The following HELB variants were observed in gnomAD, a reference collection of about 807,000 sequenced individuals.
The protein encoded by HELB is DNA helicase B.
Under a neutral mutation model 101.7 loss-of-function variants are expected in HELB, and 96 were observed. The ratio of observed to expected loss-of-function variants is 0.94; its 90% CI spans 0.80 to 1.12. The LOEUF is 1.12. HELB is among the 50% of genes most tolerant of loss of function. The pLI is 0.00. For missense variants in HELB, 1,210 were observed against 1,291.9 expected (o/e 0.94, Z 0.97); for synonymous variants, 437 against 459.7 (o/e 0.95, Z 0.63).
chr12:66,322,015 T>C lies in HELB; in HGVS notation c.2223T>C (p.Phe741=), dbSNP rs1480784670. The part of the protein sequence containing the change: ...NNLQNAKTSQ[F]IAFRRQDCDL... Reference sequence around the variant, plus strand: ...TACAAAATGCAAAAACATCACAATTTATTGCATTTAGAAGGTAAAGCATTT... The same window carrying C: ...TACAAAATGCAAAAACATCACAATTCATTGCATTTAGAAGGTAAAGCATTT... The change falls in exon 8 of 13, where the codon TTT becomes TTC. Residue 741 remains phenylalanine (F), a synonymous_variant. Coordinates refer to ENST00000247815, the MANE Select transcript of HELB (RefSeq NM_001370285.1). The C allele has an allele frequency of 8.8e-7, 1 of 1,139,986 alleles. No individual in the cohort carries two copies. Among genetic ancestry groups the C allele is most frequent in the East Asian group, 2.6e-5 (1 of 38,292 alleles). 70.6% of individuals were successfully genotyped at this position (1,139,986 alleles called of 1,614,324 possible).
At chr12:66,315,678 G>A (rs1278764127) in intron 6 of HELB, among the ~76,000 whole-genome samples, 1 of 152,094 alleles carries the variant, frequency 6.6e-6, no homozygotes, top group African/African-American at 2.4e-5. Flanking sequence ...AAGCCCAAGG[G>A]GAATGGAGAT....
Position 66,310,155 on chromosome 12 carries a change from A to C in HELB, c.1227A>C (p.Glu409Asp), listed in dbSNP as rs1181882011. Residue 409 changes from glutamate (E) to aspartate (D), a missense_variant, in exon 4 of 13, where the codon GAA becomes GAC. Glu to Asp is a conservative substitution (Grantham distance 45). Transcript: ENST00000247815. Reference sequence around the variant, plus strand: ...CATTGAATGAGAGCAAACCTGATGAAGTAAGATTAGAAAATCCTGTGGATG... The same window carrying C: ...CATTGAATGAGAGCAAACCTGATGACGTAAGATTAGAAAATCCTGTGGATG... ...DDALNESKPD[E>D]VRLENPVDVV... The C allele has an allele frequency of 1.9e-6, 3 of 1,614,230 alleles. No individual in the cohort carries two copies. Among genetic ancestry groups the C allele is most frequent in the Non-Finnish European group, 2.5e-6 (3 of 1,180,024 alleles).
Position 66,335,457 on chromosome 12 carries a change from A to G in HELB, c.3163-2544A>G, listed in dbSNP as rs139650792. 2.4e-3 allele frequency among the ~76,000 whole-genome samples: 372 copies of G among 152,238 alleles called. 5 individuals carry two copies. Among genetic ancestry groups the G allele is most frequent in the African/African-American group, 8.7e-3 (362 of 41,558 alleles). On this transcript the variant is annotated intron_variant, in intron 12 of 12. Coordinates refer to ENST00000247815, the MANE Select transcript of HELB (RefSeq NM_001370285.1). Reference sequence around the variant, plus strand: ...AAAGCCTGGACTGAGGGGGCTGGTGAGAGAATGGGAGCTGAAAGGGCGGAG... The same window carrying G: ...AAAGCCTGGACTGAGGGGGCTGGTGGGAGAATGGGAGCTGAAAGGGCGGAG...
At position 66,314,072 on chromosome 12, in the gene HELB, G is replaced by C; in HGVS notation, c.1767G>C (p.Val589=). Residue 589 remains valine (V), a synonymous_variant, in exon 5 of 13, where the codon GTG becomes GTC. Coordinates refer to ENST00000247815, the MANE Select transcript of HELB (RefSeq NM_001370285.1). ...TTTCTTCGGTTAGAGTTCTGGTTGT[G>C]GATGAAGGGAGTTTGGTATCTGTAG... is the stretch of plus-strand genomic sequence containing the variant. ...WKFSSVRVLV[V]DEGSLVSVGI... is the part of the protein sequence containing the mutation. 6.2e-7 allele frequency: 1 copy of C among 1,613,806 alleles called. No homozygotes were observed. The highest frequency in any genetic ancestry group is 8.5e-7 in the Non-Finnish European group (1 of 1,179,766).
At chr12:66,328,141 G>A (rs1488689565) in intron 11 of HELB, among the ~76,000 whole-genome samples, 2 of 152,168 alleles carry the variant, frequency 1.3e-5, no homozygotes, top group Non-Finnish European at 2.9e-5. Context: ...GGAGGATGGT[G>A]GGGCCAGGTC....
chr12:66,310,717 G>A (rs2053534518), intron 4 of HELB, 109 bp downstream of exon 4: 3 of 971,004 alleles, frequency 3.1e-6, no homozygotes, highest in Non-Finnish European at 4.6e-6. Context: ...CAGATCACAA[G>A]GTCAGGAGAT....
intron 11 of HELB, among the ~76,000 whole-genome samples, 179 bp from the exon 12 acceptor site, chr12:66,330,975 T>G (rs1208966503): frequency 6.6e-6 from 1 of 152,158 alleles, no homozygotes; most frequent in Non-Finnish European, 1.5e-5. Flanking sequence ...TGTTTAGCAG[T>G]GTGTTTAGAG....
Position 66,310,456 on chromosome 12 carries a change from G to C in HELB, c.1528G>C (p.Asp510His). 1 of 1,614,174 alleles carries C rather than the reference G, an allele frequency of 6.2e-7. No individual in the cohort carries two copies. Among genetic ancestry groups the C allele is most frequent in the Non-Finnish European group, 8.5e-7 (1 of 1,180,028 alleles). Residue 510 changes from aspartate (D) to histidine (H), a missense_variant, in exon 4 of 13, where the codon GAC becomes CAC. Asp to His is a moderately conservative substitution (Grantham distance 81, BLOSUM62 -1). Coordinates refer to ENST00000247815, the MANE Select transcript of HELB (RefSeq NM_001370285.1). Reference sequence around the variant, plus strand: ...AAAAGCCTGTGAAGATTTTGAACAAGACCAGAATGCTTCAGAAGAATGGAT... The same window carrying C: ...AAAAGCCTGTGAAGATTTTGAACAACACCAGAATGCTTCAGAAGAATGGAT... ...VKKACEDFEQ[D>H]QNASEEWITF...
Position 66,325,024 on chromosome 12 carries a change from C to T in HELB, c.2568C>T (p.Thr856=). 2 of 1,612,676 alleles carry T rather than the reference C, an allele frequency of 1.2e-6. No individual in the cohort carries two copies. The highest frequency in any genetic ancestry group is 1.1e-5 in the South Asian group (1 of 91,020). ...CTTTTGGAAAGAGAAGATCTTTGAC[C>T]ATTAATAATATGGCTGGCCTGGAAG... is the stretch of plus-strand genomic sequence containing the variant. ...DVTFGKRRSL[T]INNMAGLEVT... The change falls in exon 11 of 13, where the codon ACC becomes ACT. Residue 856 remains threonine, a synonymous_variant. Transcript: ENST00000247815.
intron 9 of HELB, among the ~76,000 whole-genome samples, chr12:66,323,670 A>G (rs1445777527): frequency 6.6e-6 from 1 of 152,246 alleles, no homozygotes; most frequent in Admixed American, 6.5e-5. Context: ...AAGGAAAAAA[A>G]TCAAAATTTG....
At chr12:66,337,104 C>G (rs2053874664) in intron 12 of HELB, among the ~76,000 whole-genome samples, 1 of 152,096 alleles carries the variant, frequency 6.6e-6, no homozygotes, top group Non-Finnish European at 1.5e-5. Flanking sequence ...TCCAAGACTT[C>G]TGGCTAAGGC....
chr12:66,304,670 A>C, intron 1 of HELB, 61 bp from the exon 2 acceptor site: 1 of 1,466,638 alleles, frequency 6.8e-7, no homozygotes, highest in Admixed American at 2.2e-5. Context: ...AACTTTGAGG[A>C]AACGGTTTCT....
At position 66,306,311 on chromosome 12, in the gene HELB, A is replaced by G. The variant is rs773347905; in HGVS notation, c.608-34A>G. On this transcript the variant is annotated intron_variant, in intron 2 of 12. Transcript: ENST00000247815. ...AATCAGTCATTCTTTGGGTTCATTT[A>G]TGTTTTACTTTGTTCCTTTCTGATA... The G allele has an allele frequency of 2.7e-6, 4 of 1,476,102 alleles. No individual in the cohort carries two copies. In the Admixed American group the frequency reaches 7.1e-5, roughly 26 times the overall value. The allele number at this position is 1,476,102 out of a possible 1,614,324, so 91.4% of individuals were successfully genotyped here. A position where few individuals can be genotyped will look rare whatever the true frequency, so the allele number is the denominator to read the frequency against.
At chr12:66,340,609 T>TG (rs71096095), downstream of HELB, 4,880 of 129,246 alleles carry the variant, frequency 0.038, 226 homozygotes, top group African/African-American at 0.12. Flanking sequence ...TATATATATG[T>TG]GGGGGGGGGG....
chr12:66,304,105 G>C (rs138754187), intron 1 of HELB, among the ~76,000 whole-genome samples: 1 of 152,214 alleles, frequency 6.6e-6, no homozygotes, highest in Admixed American at 6.5e-5. Flanking sequence ...TAGCATGTTT[G>C]GTGCTGGGAA....
chr12:66,339,468 A>T (rs1441215354), downstream of HELB: 1 of 151,794 alleles, frequency 6.6e-6, no homozygotes, highest in African/African-American at 2.4e-5. Flanking sequence ...CTACAAAGAA[A>T]CCTCACACTC....
chr12:66,342,073 T>G (rs2137025172), downstream of HELB: 1 of 152,350 alleles, frequency 6.6e-6, no homozygotes, highest in South Asian at 2.1e-4. Context: ...TCCAAGAAAC[T>G]ATTGCCTATC....
chr12:66,307,912 G>A lies in HELB; in HGVS notation c.777+1398G>A, dbSNP rs150951781. 4.8e-3 allele frequency among the ~76,000 whole-genome samples: 733 copies of A among 151,510 alleles called. 2 individuals are homozygous for A. The highest frequency in any genetic ancestry group is 7.0e-3 in the Non-Finnish European group (473 of 67,870). On this transcript the variant is annotated intron_variant, in intron 3 of 12. Transcript: ENST00000247815. ...CACCCAGATAATTTTTGTATTTTTAGTAGGGACAGGGTTTCACCATGTTGG... is the reference window on the plus strand; with the variant it reads ...CACCCAGATAATTTTTGTATTTTTAATAGGGACAGGGTTTCACCATGTTGG...
intron 7 of HELB, among the ~76,000 whole-genome samples, chr12:66,320,688 A>G (rs2053660484): frequency 6.6e-6 from 1 of 151,418 alleles, no homozygotes; most frequent in African/African-American, 2.4e-5. Flanking sequence ...CTGCTGGAAA[A>G]TTAGTCTCTT....
Sources: gnomAD v4.1 joint callset for allele counts (sites outside exome capture counted in the v4.1 genomes callset) on GRCh38, gnomAD v4.1.1 for gene constraint, MANE v1.5 for transcripts, NCBI Gene and HGNC (gene_info 2026-07-23, HGNC 2026-07-21) for gene names.